MCM6: variants seen among roughly 807,000 people sequenced by gnomAD.
MCM6 encodes the protein DNA replication licensing factor MCM6.
In MCM6, 46 loss-of-function variants were observed where a neutral mutation model predicts 94.3. The observed-to-expected ratio is 0.49, with a 90% CI of 0.39 to 0.62. The LOEUF is 0.62. MCM6 is among the 20% of genes least tolerant of loss of function. The pLI is 0.00. For missense variants in MCM6, 865 were observed against 1,017.9 expected, an observed-to-expected ratio of 0.85 and a Z score of 2.04; for synonymous variants, 335 against 351.9, an observed-to-expected ratio of 0.95 and a Z score of 0.54.
chr2:135,843,730 C>CA (rs55634938), intron 16 of MCM6, among the ~76,000 whole-genome samples: 44 of 90,862 alleles, frequency 4.8e-4, no homozygotes, highest in Admixed American at 1.6e-3. Context: ...AACTCTGTCT[C>CA]AAAAAAAAAA....
intron 11 of MCM6, among the ~76,000 whole-genome samples, chr2:135,854,047 C>T (rs1036333469): frequency 3.3e-5 from 5 of 152,054 alleles, no homozygotes; most frequent in Non-Finnish European, 5.9e-5. Context: ...GGCAACACGG[C>T]AAAACTCGGT....
At chr2:135,843,058 GC>G (rs918554810) in intron 16 of MCM6, among the ~76,000 whole-genome samples, 3 of 152,194 alleles carry the variant, frequency 2.0e-5, no homozygotes, top group African/African-American at 7.2e-5. Flanking sequence ...GCTTGGGTGG[GC>G]TGGTGAAGGC....
At position 135,852,873 on chromosome 2, in the gene MCM6, A is replaced by T. The variant is rs778573811; in HGVS notation, c.1669T>A (p.Ser557Thr). Residue 557 changes from serine (S) to threonine (T), a missense_variant, in exon 12 of 17, where the codon TCA (serine) becomes ACA (threonine). By Grantham distance (58) the Ser-to-Thr change is moderately conservative. This residue lies in a region of MCM6 where 308 missense variants were observed against 324.5 expected (regional missense o/e 0.95). Transcript: ENST00000264156. ...CGATCAATTGATTCCTCAATTCTTG[A>T]ATGCAAATCTACTATGCGCCTGGCA... is the stretch of plus-strand genomic sequence containing the variant. ...AIARRIVDLH[S>T]RIEESIDRVY... is the part of the protein sequence containing the mutation. 4.3e-6 allele frequency: 7 copies of T among 1,611,114 alleles called. No homozygotes were observed. Among genetic ancestry groups the T allele is most frequent in the Non-Finnish European group, 5.9e-6 (7 of 1,178,644 alleles).
chr2:135,845,913 T>C (rs577739048), intron 15 of MCM6, among the ~76,000 whole-genome samples: 7 of 152,200 alleles, frequency 4.6e-5, no homozygotes, highest in East Asian at 1.9e-4. Flanking sequence ...AACAGAACCA[T>C]TGTAAGGGAA....
At chr2:135,854,958 C>T (rs1679846096) in intron 11 of MCM6, among the ~76,000 whole-genome samples, 1 of 152,052 alleles carries the variant, frequency 6.6e-6, no homozygotes, top group Admixed American at 6.6e-5. Context: ...TGTTTGAGAC[C>T]AGCCTGGCCA....
At chr2:135,855,498 C>T (rs1267135105) in intron 11 of MCM6, among the ~76,000 whole-genome samples, 2 of 151,926 alleles carry the variant, frequency 1.3e-5, no homozygotes, top group Non-Finnish European at 2.9e-5. Flanking sequence ...GTTGCCGTTG[C>T]TACAAAAGGA....
Position 135,852,909 on chromosome 2 carries a change from C to T in MCM6, c.1633G>A (p.Asp545Asn). Residue 545 changes from aspartate (D) to asparagine (N), a missense_variant, in exon 12 of 17, where the codon GAT becomes AAT. Around this residue, in one of 3 missense-constraint regions of MCM6, gnomAD observed 153 missense variants for 241.5 expected, o/e 0.63. Coordinates refer to ENST00000264156, the MANE Select transcript of MCM6 (RefSeq NM_005915.6). ...ILVDECNEVT[D>N]YAIARRIVDL... ...ACTATGCGCCTGGCAATGGCATAAT[C>T]TGTAACCTAATTCAAAACAAAAAAA... 1 of 1,598,780 alleles carries T rather than the reference C, an allele frequency of 6.3e-7. No homozygotes were observed. Among genetic ancestry groups the T allele is most frequent in the South Asian group, 1.1e-5 (1 of 88,342 alleles).
intron 11 of MCM6, among the ~76,000 whole-genome samples, chr2:135,853,412 T>C (rs541283013): frequency 2.0e-5 from 3 of 152,118 alleles, no homozygotes; most frequent in Non-Finnish European, 4.4e-5. Flanking sequence ...ACCACTGCAC[T>C]CCAGCCTGGG....
chr2:135,843,874 T>G (rs912989503), intron 16 of MCM6, among the ~76,000 whole-genome samples: 1 of 152,034 alleles, frequency 6.6e-6, no homozygotes, highest in Non-Finnish European at 1.5e-5. Flanking sequence ...GTGACAAAGC[T>G]GTGGACAGGC....
At chr2:135,871,669 A>C (rs1341993417) in intron 2 of MCM6, among the ~76,000 whole-genome samples, 1 of 152,240 alleles carries the variant, frequency 6.6e-6, no homozygotes, top group Non-Finnish European at 1.5e-5. Flanking sequence ...GTCTAACCAT[A>C]GTATTTCTAC....
Position 135,851,311 on chromosome 2 carries a change from A to G in MCM6, c.1917+91T>C, listed in dbSNP as rs1679776723. 6.4e-6 allele frequency: 6 copies of G among 944,608 alleles called. No individual in the cohort carries two copies. The East Asian group carries it at 1.3e-4, about 20-fold the overall frequency. 58.5% of individuals were successfully genotyped at this position (944,608 alleles called of 1,614,324 possible). A position where few individuals can be genotyped will look rare whatever the true frequency, so the allele number is the denominator to read the frequency against. ...AACAGTTACATAAAAATGTATTTGC[A>G]GTGAATTCTAGTATGTCCCATACCA... is the stretch of plus-strand genomic sequence containing the variant. On this transcript the variant is annotated intron_variant, in intron 13 of 16. Transcript: ENST00000264156.
At chr2:135,862,789 A>C (rs183422391) in intron 7 of MCM6, 41 bp from the exon 8 acceptor site, 1 of 1,606,208 alleles carries the variant, frequency 6.2e-7, no homozygotes, top group South Asian at 1.1e-5. Flanking sequence ...CTAATTTTTC[A>C]ACATGAAGTT....
intron 8 of MCM6, among the ~76,000 whole-genome samples, chr2:135,862,143 T>C (rs1489873624): frequency 6.6e-6 from 1 of 151,742 alleles, no homozygotes; most frequent in Non-Finnish European, 1.5e-5. Context: ...ATTGTGAAAA[T>C]GACAAACTCA....
chr2:135,844,455 G>A (rs1472078054), intron 16 of MCM6, 90 bp downstream of exon 16: 2 of 1,213,020 alleles, frequency 1.6e-6, no homozygotes, highest in South Asian at 5.3e-5. Flanking sequence ...ACAAACAAAG[G>A]TCAAAAAAAA....
intron 4 of MCM6, among the ~76,000 whole-genome samples, chr2:135,867,208 A>G (rs1011347299): frequency 8.5e-5 from 13 of 152,214 alleles, no homozygotes; most frequent in Admixed American, 8.5e-4. Context: ...TCATACCTAA[A>G]TATTTTAGCA....
chr2:135,853,790 G>A (rs1469879089), intron 11 of MCM6, among the ~76,000 whole-genome samples: 2 of 151,212 alleles, frequency 1.3e-5, no homozygotes, highest in African/African-American at 4.9e-5. Flanking sequence ...CAGGAAAAAA[G>A]TGTGCAGATA....
At chr2:135,866,376 C>A (rs777540069) in intron 5 of MCM6, 99 bp from the exon 6 acceptor site, 10 of 1,477,992 alleles carry the variant, frequency 6.8e-6, no homozygotes, top group Non-Finnish European at 9.3e-6. Context: ...AAAGACTTCA[C>A]TTAAGCCTTG....
chr2:135,855,559 G>T (rs1355259123), intron 11 of MCM6, among the ~76,000 whole-genome samples: 6 of 152,036 alleles, frequency 3.9e-5, no homozygotes, highest in Non-Finnish European at 7.4e-5. Context: ...TCAGCTACTT[G>T]GGAGGCTGAG....
chr2:135,862,826 G>C, intron 7 of MCM6, 78 bp from the exon 8 acceptor site: 2 of 1,492,788 alleles, frequency 1.3e-6, no homozygotes, highest in South Asian at 2.4e-5. Flanking sequence ...AACAGTAAAG[G>C]CATGTTTACC....
Sources: allele counts gnomAD v4.1 joint callset (sites outside exome capture counted in the v4.1 genomes callset), GRCh38; gene constraint gnomAD v4.1.1; regional missense constraint gnomAD v4.1.1; transcripts MANE v1.5; gene names NCBI Gene and HGNC (gene_info 2026-07-23, HGNC 2026-07-21).